Variants in KLHL20 observed in about 807,000 individuals in gnomAD.
The protein encoded by KLHL20 is kelch like family member 20.
In KLHL20, 29 loss-of-function variants were observed where a neutral mutation model predicts 69.5. That is an observed-to-expected ratio of 0.42 (90% CI 0.31 to 0.57). The LOEUF (loss-of-function observed/expected upper bound fraction) is 0.57, where lower values mean the gene tolerates loss of function less well. Among genes scored for constraint, KLHL20 ranks in the 20% least tolerant of loss-of-function variants. The probability of loss-of-function intolerance (pLI) is 0.18; values close to 1 mark genes in which losing one functional copy is unlikely to be tolerated. For missense variants in KLHL20, 419 were observed against 776.0 expected (o/e 0.54, Z 5.47); for synonymous variants, 253 against 265.2 (o/e 0.95, Z 0.45).
chr1:173,742,305 C>T (rs1372584314), intron 3 of KLHL20, among the ~76,000 whole-genome samples: 2 of 152,126 alleles, frequency 1.3e-5, no homozygotes, highest in African/African-American at 4.8e-5. Flanking sequence ...ACGGCGGTAT[C>T]TATCAAAGTT....
intron 3 of KLHL20, among the ~76,000 whole-genome samples, chr1:173,750,357 G>A (rs997723226): frequency 1.3e-5 from 2 of 152,114 alleles, no homozygotes; most frequent in Non-Finnish European, 2.9e-5. Context: ...AGGCCAGAGT[G>A]CTGTGATGGT....
chr1:173,715,397 C>T (rs1671422221), intron 1 of KLHL20: 2 of 152,508 alleles, frequency 1.3e-5, no homozygotes, highest in Non-Finnish European at 2.9e-5. Flanking sequence ...AGTACGTGCG[C>T]CCCCATTTAA....
At chr1:173,740,760 T>C (rs1672769434) in intron 3 of KLHL20, among the ~76,000 whole-genome samples, 1 of 152,010 alleles carries the variant, frequency 6.6e-6, no homozygotes, top group South Asian at 2.1e-4. Context: ...CTTTCAGGCC[T>C]TGCCCCTCCC....
chr1:173,745,676 C>T (rs918305143), intron 3 of KLHL20, among the ~76,000 whole-genome samples: 2 of 151,954 alleles, frequency 1.3e-5, no homozygotes, highest in African/African-American at 4.8e-5. Flanking sequence ...TTATTTCTTC[C>T]TTTCCAATTG....
At position 173,733,852 on chromosome 1, in the gene KLHL20, T is replaced by C. The variant is rs773913220; in HGVS notation, c.163T>C (p.Leu55=). ...CTCAGACAAGCACCCTCGACAAACC[T>C]TGGAAGTGATTAACCTTCTGAGAAA... is the stretch of plus-strand genomic sequence containing the variant. ...YISDKHPRQT[L]EVINLLRKHR... The change falls in exon 3 of 12, where the codon TTG becomes CTG. Residue 55 remains leucine (L), a synonymous_variant. Transcript: ENST00000209884. 2.5e-5 allele frequency: 40 copies of C among 1,613,918 alleles called. No homozygotes were observed. Among genetic ancestry groups the C allele is most frequent in the Non-Finnish European group, 3.4e-5 (40 of 1,180,038 alleles).
chr1:173,749,784 G>C (rs535268572), intron 3 of KLHL20, among the ~76,000 whole-genome samples: 1 of 152,010 alleles, frequency 6.6e-6, no homozygotes, highest in East Asian at 1.9e-4. Context: ...AAATGTTTAG[G>C]CACTTCACAA....
chr1:173,739,284 ACTGGTCTTGAACTCCTGAG>A (rs1672684049), intron 3 of KLHL20, among the ~76,000 whole-genome samples: 1 of 151,690 alleles, frequency 6.6e-6, no homozygotes, highest in African/African-American at 2.4e-5. Flanking sequence ...TTTTGCCCAG[ACTGGTCTTGAACTCCTGAG>A]CTCAGGCAAT....
intron 3 of KLHL20, among the ~76,000 whole-genome samples, chr1:173,751,187 C>T (rs1021180822): frequency 2.0e-5 from 3 of 152,116 alleles, no homozygotes; most frequent in Non-Finnish European, 4.4e-5. Flanking sequence ...TCCTTGTTGC[C>T]GTTTCATCTC....
intron 2 of KLHL20, among the ~76,000 whole-genome samples, chr1:173,721,603 T>C (rs933295006): frequency 6.6e-6 from 1 of 152,240 alleles, no homozygotes; most frequent in African/African-American, 2.4e-5. Context: ...CTGCTCCATC[T>C]TGGTCTCGAT....
chr1:173,761,182 T>C (rs1469710586), intron 7 of KLHL20, among the ~76,000 whole-genome samples: 1 of 152,080 alleles, frequency 6.6e-6, no homozygotes, highest in Non-Finnish European at 1.5e-5. Flanking sequence ...GACAGAAAAA[T>C]ATCATAGTCT....
chr1:173,765,845 C>T (rs949829283), intron 7 of KLHL20, among the ~76,000 whole-genome samples: 1 of 151,820 alleles, frequency 6.6e-6, no homozygotes, highest in Admixed American at 6.6e-5. Context: ...AAGCATTTTA[C>T]TGAAAAGTCT....
chr1:173,724,250 C>T (rs966329731), intron 2 of KLHL20, among the ~76,000 whole-genome samples: 6 of 151,824 alleles, frequency 4.0e-5, no homozygotes, highest in Non-Finnish European at 5.9e-5. Flanking sequence ...AGGGATCCCC[C>T]CGCCTCAACC....
chr1:173,759,823 A>G (rs933018328), intron 7 of KLHL20, among the ~76,000 whole-genome samples: 2 of 152,050 alleles, frequency 1.3e-5, no homozygotes, highest in African/African-American at 4.8e-5. Flanking sequence ...GCTCTTCAAC[A>G]CCCCCAAAAA....
chr1:173,724,721 G>C (rs921351230), intron 2 of KLHL20, among the ~76,000 whole-genome samples: 1 of 152,160 alleles, frequency 6.6e-6, no homozygotes, highest in Non-Finnish European at 1.5e-5. Flanking sequence ...GGGAGGATCA[G>C]TTGAGCCTAG....
At chr1:173,745,405 C>T (rs1425665825) in intron 3 of KLHL20, among the ~76,000 whole-genome samples, 4 of 151,888 alleles carry the variant, frequency 2.6e-5, no homozygotes, top group South Asian at 4.1e-4. Context: ...TCAAATGATC[C>T]GCCCTCCTTG....
At chr1:173,721,066 T>C (rs1671692273) in intron 2 of KLHL20, among the ~76,000 whole-genome samples, 1 of 152,132 alleles carries the variant, frequency 6.6e-6, no homozygotes, top group Non-Finnish European at 1.5e-5. Context: ...AGGACAGAAC[T>C]GTAGTGAGTA....
chr1:173,724,815 T>C (rs1031327585), intron 2 of KLHL20, among the ~76,000 whole-genome samples: 2 of 152,140 alleles, frequency 1.3e-5, no homozygotes, highest in Admixed American at 6.6e-5. Flanking sequence ...AAAGAAAAGA[T>C]ACAAATTTGT....
At chr1:173,767,017 A>G (rs1245151688) in intron 8 of KLHL20, among the ~76,000 whole-genome samples, 4 of 152,128 alleles carry the variant, frequency 2.6e-5, no homozygotes, top group Non-Finnish European at 4.4e-5. Context: ...CCTCCTCTCT[A>G]ACTGAAATTT....
At chr1:173,724,319 T>C (rs1327708325) in intron 2 of KLHL20, among the ~76,000 whole-genome samples, 2 of 152,122 alleles carry the variant, frequency 1.3e-5, no homozygotes, top group Non-Finnish European at 2.9e-5. Context: ...CCGAAAATTC[T>C]TATGTTTGAA....
Sources: allele counts gnomAD v4.1 joint callset (sites outside exome capture counted in the v4.1 genomes callset), GRCh38; gene constraint gnomAD v4.1.1; transcripts MANE v1.5; gene names NCBI Gene and HGNC (gene_info 2026-07-23, HGNC 2026-07-21).